The following TMEM123 variants were observed in gnomAD, a reference collection of about 807,000 sequenced individuals.
TMEM123 encodes the protein porimin.
Under a neutral mutation model 19.7 loss-of-function variants are expected in TMEM123, and 16 were observed. The observed-to-expected ratio is 0.81, with a 90% CI of 0.55 to 1.23. The LOEUF is 1.23. Ranked by LOEUF, TMEM123 falls within the 50% of genes most tolerant of loss-of-function variation. The pLI is 0.00. For missense variants in TMEM123, 313 were observed against 257.8 expected, an observed-to-expected ratio of 1.21 and a Z score of -1.47; for synonymous variants, 118 against 99.4, an observed-to-expected ratio of 1.19 and a Z score of -1.12.
intron 2 of TMEM123, among the ~76,000 whole-genome samples, chr11:102,413,525 CA>C (rs1952021414): frequency 2.0e-5 from 3 of 152,138 alleles, no homozygotes. Flanking sequence ...TAAGTCCCTC[CA>C]GCACGGCAGG....
chr11:102,424,328 AATACTTTATCAAGTATTCC>A (rs1952108618), intron 2 of TMEM123, among the ~76,000 whole-genome samples: 1 of 152,244 alleles, frequency 6.6e-6, no homozygotes, highest in Non-Finnish European at 1.5e-5. Flanking sequence ...TAAAGCAGTG[AATACTTTATCAAGTATTCC>A]ATATACTTTA....
intron 2 of TMEM123, among the ~76,000 whole-genome samples, chr11:102,447,067 C>T (rs558788241): frequency 2.0e-5 from 3 of 151,898 alleles, no homozygotes; most frequent in East Asian, 1.9e-4. Context: ...AAGAGGAATG[C>T]GACAGTTATG....
intron 2 of TMEM123, among the ~76,000 whole-genome samples, chr11:102,431,853 T>A (rs1457663849): frequency 1.3e-5 from 2 of 152,104 alleles, no homozygotes; most frequent in African/African-American, 4.8e-5. Flanking sequence ...GCTGTTCCCA[T>A]GATAGTGAGT....
At position 102,397,238 on chromosome 11, in the gene TMEM123, G is replaced by A. The variant is rs567949695; in HGVS notation, c.*1629C>T. On this transcript the variant is annotated 3_prime_UTR_variant, in exon 5 of 5. Transcript: ENST00000398136. ...GTTAAAATGCACAGCAAGTAGAAAT[G>A]ATCCATTTCAAAATTCTTAATATCT... 1 of 152,208 alleles carries A rather than the reference G, an allele frequency of 6.6e-6. No individual in the cohort carries two copies. The highest frequency in any genetic ancestry group is 2.4e-5 in the African/African-American group (1 of 41,544). 9.4% of individuals were successfully genotyped at this position (152,208 alleles called of 1,614,324 possible).
intron 2 of TMEM123, among the ~76,000 whole-genome samples, chr11:102,433,809 T>G (rs1243793903): frequency 6.6e-6 from 1 of 151,730 alleles, no homozygotes; most frequent in Admixed American, 6.6e-5. Flanking sequence ...CAGTTTTTCA[T>G]GAGATCTGAT....
At chr11:102,414,497 C>G (rs761069342) in intron 2 of TMEM123, among the ~76,000 whole-genome samples, 1 of 152,204 alleles carries the variant, frequency 6.6e-6, no homozygotes, top group East Asian at 1.9e-4. Context: ...AACAGCAGAC[C>G]TTTCTGCAGA....
At chr11:102,401,480 ATAAT>A (rs1011039509) in intron 4 of TMEM123, 55 bp downstream of exon 4, 101 of 1,435,584 alleles carry the variant, frequency 7.0e-5, no homozygotes, top group Non-Finnish European at 9.0e-5. Flanking sequence ...ATATTCTATC[ATAAT>A]TAAAGATGTG....
chr11:102,446,189 A>T (rs1213754456), intron 2 of TMEM123, among the ~76,000 whole-genome samples: 1 of 152,222 alleles, frequency 6.6e-6, no homozygotes, highest in African/African-American at 2.4e-5. Flanking sequence ...ATTATGAAAA[A>T]TAATCTGGGC....
At chr11:102,446,278 G>T (rs1308409813) in intron 2 of TMEM123, among the ~76,000 whole-genome samples, 1 of 152,088 alleles carries the variant, frequency 6.6e-6, no homozygotes, top group Non-Finnish European at 1.5e-5. Flanking sequence ...TGAAATAAGG[G>T]GAAATTATTT....
intron 2 of TMEM123, among the ~76,000 whole-genome samples, chr11:102,433,146 G>A (rs569830932): frequency 1.3e-5 from 2 of 152,004 alleles, no homozygotes; most frequent in South Asian, 4.2e-4. Context: ...TGAGAAGAGG[G>A]CCACTGTCCT....
In TMEM123 at chr11:102,398,815, T is replaced by C; in HGVS notation, c.*52A>G. 3.2e-6 allele frequency: 5 copies of C among 1,584,660 alleles called. No individual in the cohort carries two copies. Among genetic ancestry groups the C allele is most frequent in the Non-Finnish European group, 4.3e-6 (5 of 1,165,100 alleles). On this transcript the variant is annotated 3_prime_UTR_variant, in exon 5 of 5. Transcript: ENST00000398136. ...TTTTAAACTATTAATAAACCAAAAT[T>C]AATTGATAGGGCAGCATCAATCTGT...
chr11:102,434,557 T>C (rs1857743943), intron 2 of TMEM123, among the ~76,000 whole-genome samples: 1 of 151,982 alleles, frequency 6.6e-6, no homozygotes, highest in African/African-American at 2.4e-5. Context: ...TTCATTCTGT[T>C]GTTTCCTTTT....
intron 2 of TMEM123, among the ~76,000 whole-genome samples, chr11:102,443,223 T>C (rs1432335988): frequency 6.6e-6 from 1 of 152,028 alleles, no homozygotes; most frequent in African/African-American, 2.4e-5. Flanking sequence ...AACAAAAAAA[T>C]AGCCCACATT....
rs978900648 is a variant in TMEM123, at chr11:102,436,571, C to CA, written c.157+12240dup. Among the ~76,000 whole-genome samples, 86 of 152,048 alleles carry CA rather than the reference C, an allele frequency of 5.7e-4. 1 individual carries two copies. Among genetic ancestry groups the CA allele is most frequent in the African/African-American group, 1.9e-3 (80 of 41,526 alleles). On this transcript the variant is annotated intron_variant, in intron 2 of 4. Transcript: ENST00000398136. ...AAATTATGTATTTAAAAAACACGGA[C>CA]ACACAAAGAGATGAAGAGCCATGCA...
intron 2 of TMEM123, among the ~76,000 whole-genome samples, chr11:102,442,991 C>T (rs1324520392): frequency 1.3e-5 from 2 of 152,218 alleles, no homozygotes; most frequent in East Asian, 3.9e-4. Context: ...ACTTACAAGG[C>T]ATGTGAAGGA....
intron 2 of TMEM123, among the ~76,000 whole-genome samples, chr11:102,423,126 G>T (rs1952099934): frequency 6.6e-6 from 1 of 152,124 alleles, no homozygotes; most frequent in East Asian, 1.9e-4. Context: ...CCACAAATGG[G>T]GGCATGGCTA....
intron 2 of TMEM123, among the ~76,000 whole-genome samples, chr11:102,442,748 G>A (rs1465296838): frequency 6.6e-6 from 1 of 152,200 alleles, no homozygotes; most frequent in Non-Finnish European, 1.5e-5. Context: ...AAAAGAGGAA[G>A]TCAAATTGTC....
intron 2 of TMEM123, among the ~76,000 whole-genome samples, chr11:102,423,446 C>T (rs1255416275): frequency 6.6e-6 from 1 of 152,172 alleles, no homozygotes; most frequent in East Asian, 1.9e-4. Context: ...TGTGAAGATA[C>T]TCAGGCAGCC....
chr11:102,424,010 CTTTAA>C (rs1011681814), intron 2 of TMEM123, among the ~76,000 whole-genome samples: 2 of 152,060 alleles, frequency 1.3e-5, no homozygotes, highest in African/African-American at 4.8e-5. Flanking sequence ...AACAAAATGA[CTTTAA>C]TTTTAGACAC....
Sources: allele counts gnomAD v4.1 joint callset (sites outside exome capture counted in the v4.1 genomes callset), GRCh38; gene constraint gnomAD v4.1.1; transcripts MANE v1.5; gene names NCBI Gene and HGNC (gene_info 2026-07-23, HGNC 2026-07-21).